Variants in ARHGAP28 observed in about 807,000 individuals in gnomAD.
The protein encoded by ARHGAP28 is Rho GTPase activating protein 28, also known as rho GTPase-activating protein 28.
A neutral mutation model predicts 90.7 loss-of-function variants in ARHGAP28; 56 were observed. The ratio of observed to expected loss-of-function variants is 0.62; its 90% CI spans 0.50 to 0.77. ARHGAP28 has a LOEUF of 0.77. ARHGAP28 is among the 30% of genes least tolerant of loss of function. ARHGAP28 has a pLI of 0.00. For synonymous variants in ARHGAP28, 308 were observed against 323.3 expected (o/e 0.95, Z 0.51); for missense variants, 869 against 900.9 (o/e 0.96, Z 0.45).
At chr18:6,786,943 G>A (rs1002363784) in intron 1 of ARHGAP28, among the ~76,000 whole-genome samples, 1 of 151,904 alleles carries the variant, frequency 6.6e-6, no homozygotes, top group Admixed American at 6.6e-5. Context: ...TTGGGGCCGC[G>A]CGCGGTGGTT....
At chr18:6,850,811 C>G in intron 3 of ARHGAP28, 1 of 1,528,096 alleles carries the variant, frequency 6.5e-7, no homozygotes, top group Non-Finnish European at 8.7e-7. Flanking sequence ...GCAGAGTTTG[C>G]TTCTGAGACG....
intron 1 of ARHGAP28, among the ~76,000 whole-genome samples, chr18:6,770,299 A>T (rs187354929): frequency 5.9e-5 from 9 of 152,322 alleles, no homozygotes; most frequent in Non-Finnish European, 1.2e-4. Flanking sequence ...AGACCCTGTA[A>T]TCAGTAACTT....
At chr18:6,869,404 G>A (rs1248004043) in intron 6 of ARHGAP28, among the ~76,000 whole-genome samples, 1 of 151,806 alleles carries the variant, frequency 6.6e-6, no homozygotes, top group Non-Finnish European at 1.5e-5. Flanking sequence ...GGAATTACAG[G>A]TGCCTGCCAC....
intron 10 of ARHGAP28, 23 bp downstream of exon 10, chr18:6,876,231 C>G (rs2057130111): frequency 1.9e-6 from 3 of 1,597,614 alleles, no homozygotes; most frequent in Non-Finnish European, 2.6e-6. Flanking sequence ...TTGTCTCTTC[C>G]TAGGTAGAGT....
chr18:6,806,248 T>C (rs956940741), intron 1 of ARHGAP28, among the ~76,000 whole-genome samples: 1 of 152,178 alleles, frequency 6.6e-6, no homozygotes, highest in African/African-American at 2.4e-5. Flanking sequence ...TTTGGTTTAA[T>C]TGACAATTAT....
chr18:6,798,903 C>T (rs1600194474), intron 1 of ARHGAP28, among the ~76,000 whole-genome samples: 2 of 152,224 alleles, frequency 1.3e-5, no homozygotes, highest in Non-Finnish European at 2.9e-5. Flanking sequence ...TCATGTGAAG[C>T]ATGCATCATG....
chr18:6,852,557 C>T (rs9953521), intron 4 of ARHGAP28, among the ~76,000 whole-genome samples: 80,962 of 151,492 alleles, frequency 0.53, 22,513 homozygotes, highest in Non-Finnish European at 0.62. Flanking sequence ...GTAGTGTTTT[C>T]TTTTTTAAAT....
chr18:6,767,966 T>C (rs4798494), intron 1 of ARHGAP28, among the ~76,000 whole-genome samples: 65,583 of 152,020 alleles, frequency 0.43, 15,323 homozygotes, highest in East Asian at 0.85. Flanking sequence ...TGTCATCCCA[T>C]AGGTCACTCA....
intron 3 of ARHGAP28, 176 bp from the exon 4 acceptor site, chr18:6,850,858 T>A (rs1046050136): frequency 6.5e-7 from 1 of 1,536,788 alleles, no homozygotes; most frequent in African/African-American, 1.4e-5. Flanking sequence ...TGAGGATCAA[T>A]GTAATTATGA....
chr18:6,730,019 G>A (rs1367400471), intron 1 of ARHGAP28, 76 bp downstream of exon 1: 35 of 1,260,720 alleles, frequency 2.8e-5, no homozygotes, highest in Non-Finnish European at 3.3e-5. Flanking sequence ...TGCGCCTTGT[G>A]CCTGAGCGCA....
At chr18:6,836,386 C>G (rs928866140) in intron 2 of ARHGAP28, among the ~76,000 whole-genome samples, 9 of 151,968 alleles carry the variant, frequency 5.9e-5, no homozygotes, top group Non-Finnish European at 1.3e-4. Flanking sequence ...AAGCATTACC[C>G]AAGCAGGTTT....
chr18:6,819,806 C>T (rs1302685464), intron 1 of ARHGAP28, among the ~76,000 whole-genome samples: 1 of 152,148 alleles, frequency 6.6e-6, no homozygotes, highest in African/African-American at 2.4e-5. Flanking sequence ...CAGATCTCCC[C>T]CTTGAAGCAT....
At chr18:6,749,046 C>T (rs1464988255) in intron 1 of ARHGAP28, among the ~76,000 whole-genome samples, 1 of 152,168 alleles carries the variant, frequency 6.6e-6, no homozygotes, top group Non-Finnish European at 1.5e-5. Flanking sequence ...GATAAAGCTT[C>T]TAGCACATCT....
intron 1 of ARHGAP28, among the ~76,000 whole-genome samples, chr18:6,754,478 G>C (rs1332288889): frequency 6.6e-6 from 1 of 152,166 alleles, no homozygotes; most frequent in Admixed American, 6.5e-5. Context: ...TCAAATCACG[G>C]AGTAGGATAG....
Position 6,870,641 on chromosome 18 carries a change from T to G in ARHGAP28, c.863T>G (p.Phe288Cys). The change falls in exon 7 of 18, where the codon TTT becomes TGT. Residue 288 changes from phenylalanine (F) to cysteine (C), a missense_variant. Transcript: ENST00000383472. ...CCACCAGAGGCTGAAGAGCTGTCATTTGAAGTGTCTTATTCAGAAATGGTT... is the reference window on the plus strand; with the variant it reads ...CCACCAGAGGCTGAAGAGCTGTCATGTGAAGTGTCTTATTCAGAAATGGTT... ...NIPPEAEELS[F>C]EVSYSEMVTE... The G allele has an allele frequency of 1.2e-6, 2 of 1,612,918 alleles. No homozygotes were observed. Among genetic ancestry groups the G allele is most frequent in the South Asian group, 1.1e-5 (1 of 90,928 alleles).
chr18:6,731,898 C>T (rs1168437429), intron 1 of ARHGAP28, among the ~76,000 whole-genome samples: 1 of 152,200 alleles, frequency 6.6e-6, no homozygotes, highest in Non-Finnish European at 1.5e-5. Flanking sequence ...AGAAAGCACT[C>T]TCTCTTTCAA....
In ARHGAP28 at chr18:6,912,273, G is replaced by A; in HGVS notation, c.*119G>A. ...TCCTACAGCATTCTCAGTATTTCTGGCCCTCAGCAGTGGGCATTGTAAGCA... is the reference window on the plus strand; with the variant it reads ...TCCTACAGCATTCTCAGTATTTCTGACCCTCAGCAGTGGGCATTGTAAGCA... On this transcript the variant is annotated 3_prime_UTR_variant, in exon 18 of 18. Coordinates refer to ENST00000383472, the MANE Select transcript of ARHGAP28 (RefSeq NM_001366230.1). The A allele has an allele frequency of 1.9e-6, 1 of 531,938 alleles. No homozygotes were observed. Among genetic ancestry groups the A allele is most frequent in the Non-Finnish European group, 3.2e-6 (1 of 309,294 alleles). The allele number at this position is 531,938 out of a possible 1,614,324, so 33.0% of individuals were successfully genotyped here. A position where few individuals can be genotyped will look rare whatever the true frequency, so the allele number is the denominator to read the frequency against.
At chr18:6,839,226 G>A (rs1182992674) in intron 3 of ARHGAP28, among the ~76,000 whole-genome samples, 1 of 151,832 alleles carries the variant, frequency 6.6e-6, no homozygotes, top group Non-Finnish European at 1.5e-5. Flanking sequence ...AAGTCTTCAG[G>A]GACTTTCTAC....
chr18:6,737,432 A>G (rs2055938131), intron 1 of ARHGAP28, among the ~76,000 whole-genome samples: 1 of 152,168 alleles, frequency 6.6e-6, no homozygotes, highest in African/African-American at 2.4e-5. Flanking sequence ...GGCAGCTCTG[A>G]AAGTCTTTAG....
Sources: gnomAD v4.1 joint callset for allele counts (sites outside exome capture counted in the v4.1 genomes callset) on GRCh38, gnomAD v4.1.1 for gene constraint, MANE v1.5 for transcripts, NCBI Gene and HGNC (gene_info 2026-07-23, HGNC 2026-07-21) for gene names.